Variants in SRRM2 observed in about 807,000 individuals in gnomAD.
SRRM2 encodes serine/arginine repetitive matrix protein 2.
SRRM2 carries 30 observed loss-of-function variants against 213.8 expected under a neutral mutation model. The ratio of observed to expected loss-of-function variants is 0.14; its 90% CI spans 0.10 to 0.19. The LOEUF (loss-of-function observed/expected upper bound fraction) is 0.19, where lower values mean the gene tolerates loss of function less well. SRRM2 is among the 10% of genes least tolerant of loss of function. The pLI is 1.00. For synonymous variants in SRRM2, 2,025 were observed against 1,377.7 expected, an observed-to-expected ratio of 1.47 and a Z score of -10.40; for missense variants, 4,904 against 3,647.0, an observed-to-expected ratio of 1.34 and a Z score of -8.88.
chr16:2,764,389 C>G lies in SRRM2; in HGVS notation c.3861C>G (p.Ser1287Arg). The G allele has an allele frequency of 6.2e-7, 1 of 1,613,816 alleles. No homozygotes were observed. Among genetic ancestry groups the G allele is most frequent in the Non-Finnish European group, 8.5e-7 (1 of 1,179,946 alleles). ...CTGTGTCTTTGACTCTTGATCAGAG[C>G]CAGTCACAGGCTTCTTTGGAAGCAG... is the stretch of plus-strand genomic sequence containing the variant. ...RPAVSLTLDQ[S>R]QSQASLEAVE... Residue 1287 changes from serine (S) to arginine (R), a missense_variant, in exon 11 of 15, where the codon AGC (serine) becomes AGG (arginine). By Grantham distance (110) the Ser-to-Arg change is moderately radical (BLOSUM62 -1). Transcript: ENST00000301740.
rs773500112 is a variant in SRRM2, at chr16:2,770,055, C to T, written c.8022-297C>T. On this transcript the variant is annotated intron_variant, in intron 12 of 14. Transcript: ENST00000301740. Reference sequence around the variant, plus strand: ...CCCCTCCCTTGGGTCCCCAGAGCCACGCACATCCAGCCCTGCTTCCCACAC... The same window carrying T: ...CCCCTCCCTTGGGTCCCCAGAGCCATGCACATCCAGCCCTGCTTCCCACAC... 28 of 1,097,658 alleles carry T rather than the reference C, an allele frequency of 2.6e-5. 1 individual carries two copies. Among genetic ancestry groups the T allele is most frequent in the South Asian group, 6.6e-5 (4 of 60,860 alleles). 68.0% of individuals were successfully genotyped at this position (1,097,658 alleles called of 1,614,324 possible). A position where few individuals can be genotyped will look rare whatever the true frequency, so the allele number is the denominator to read the frequency against.
intron 12 of SRRM2, chr16:2,769,916 C>T (rs2068682598): frequency 6.8e-6 from 3 of 444,072 alleles, no homozygotes; most frequent in Non-Finnish European, 1.4e-5. Flanking sequence ...ACATGCTGTT[C>T]CTTCTGCCTG....
intron 3 of SRRM2, 83 bp downstream of exon 3, chr16:2,757,662 C>T: frequency 1.9e-6 from 3 of 1,579,598 alleles, no homozygotes; most frequent in Non-Finnish European, 2.6e-6. Flanking sequence ...TTACGTGGGA[C>T]TTCCTCCCTG....
rs896956683 is a variant in SRRM2, at chr16:2,759,736, C to T, written c.833+75C>T. ...TAATTTAATATTTATTGAGCGCCCACGGTGTGCTAGGCGCTGCACAGACCA... is the reference window on the plus strand; with the variant it reads ...TAATTTAATATTTATTGAGCGCCCATGGTGTGCTAGGCGCTGCACAGACCA... On this transcript the variant is annotated intron_variant, in intron 9 of 14. Transcript: ENST00000301740. 2.1e-5 allele frequency: 30 copies of T among 1,404,092 alleles called. No homozygotes were observed. The Admixed American group carries it at 3.8e-4, about 18-fold the overall frequency. 87.0% of individuals were successfully genotyped at this position (1,404,092 alleles called of 1,614,324 possible).
At chr16:2,758,956 G>T (rs764072749) in intron 5 of SRRM2, 29 bp from the exon 6 acceptor site, 6 of 1,613,606 alleles carry the variant, frequency 3.7e-6, no homozygotes, top group Non-Finnish European at 5.1e-6. Context: ...AGCCAAGCAG[G>T]ATGAGCTTGC....
chr16:2,752,654 C>A lies in SRRM2; in HGVS notation c.-224C>A. 1 of 247,342 alleles carries A rather than the reference C, an allele frequency of 4.0e-6. No individual in the cohort carries two copies. The highest frequency in any genetic ancestry group is 8.2e-6 in the Non-Finnish European group (1 of 121,298). 15.3% of individuals were successfully genotyped at this position (247,342 alleles called of 1,614,324 possible). On this transcript the variant is annotated 5_prime_UTR_variant, in exon 1 of 15. Coordinates refer to ENST00000301740, the MANE Select transcript of SRRM2 (RefSeq NM_016333.4). Reference sequence around the variant, plus strand: ...CAGTTAGTCGTGCTGACGTGCAGCGCGGCCCAGGCGGGGTGCGAGTGGCGC... The same window carrying A: ...CAGTTAGTCGTGCTGACGTGCAGCGAGGCCCAGGCGGGGTGCGAGTGGCGC...
rs1372736447 is a variant in SRRM2, at chr16:2,771,248, TGGAA to T, written c.*388_*391del. The T allele has an allele frequency of 1.5e-5, 11 of 727,212 alleles. No individual in the cohort carries two copies. Among genetic ancestry groups the T allele is most frequent in the East Asian group, 5.4e-5 (2 of 37,154 alleles). 45.0% of individuals were successfully genotyped at this position (727,212 alleles called of 1,614,324 possible). ...GACTGGAGGTTGTATAAGGTGTTCTTGGAAGGAAGGGGCAGGAGTTGGAATTAGT... is the reference window on the plus strand; with the variant it reads ...GACTGGAGGTTGTATAAGGTGTTCTTGGAAGGGGCAGGAGTTGGAATTAGT... On this transcript the variant is annotated 3_prime_UTR_variant, in exon 15 of 15. Coordinates refer to ENST00000301740, the MANE Select transcript of SRRM2 (RefSeq NM_016333.4).
At position 2,767,615 on chromosome 16, in the gene SRRM2, C is replaced by A. The variant is rs1198651872; in HGVS notation, c.7087C>A (p.Pro2363Thr). The stretch of plus-strand genomic sequence containing the variant: ...CTCCAGAACCGCCGCAGCCTTGGCC[C>A]CCGCGAGCCTCACCAGTGCTAGGAT... ...AGSRTAAALAPASLTSARMAP... is the reference protein window; with the variant it reads ...AGSRTAAALATASLTSARMAP... The change falls in exon 11 of 15, where the codon CCC (proline) becomes ACC (threonine). Residue 2363 changes from proline to threonine, a missense_variant. By Grantham distance (38) the Pro-to-Thr change is conservative. Transcript: ENST00000301740. The A allele has an allele frequency of 6.2e-7, 1 of 1,614,200 alleles. No homozygotes were observed. The highest frequency in any genetic ancestry group is 8.5e-7 in the Non-Finnish European group (1 of 1,180,042).
Position 2,756,571 on chromosome 16 carries a change from A to G in SRRM2, c.207A>G (p.Arg69=). 1 of 1,613,938 alleles carries G rather than the reference A, an allele frequency of 6.2e-7. No homozygotes were observed. The highest frequency in any genetic ancestry group is 8.5e-7 in the Non-Finnish European group (1 of 1,179,910). Residue 69 remains arginine (R), a synonymous_variant, in exon 2 of 15, where the codon CGA becomes CGG. Transcript: ENST00000301740. ...AGCGCAAGCGGCGCGTCGAGCTGCGATGCCTCGAGCTGGAGGAGATGATGG... is the reference window on the plus strand; with the variant it reads ...AGCGCAAGCGGCGCGTCGAGCTGCGGTGCCTCGAGCTGGAGGAGATGATGG... ...DHERKRRVEL[R]CLELEEMMEE... is the part of the protein sequence containing the mutation.
chr16:2,753,963 T>C (rs1347972813), intron 1 of SRRM2, among the ~76,000 whole-genome samples: 1 of 152,202 alleles, frequency 6.6e-6, no homozygotes. Context: ...TTCAAATATA[T>C]CTTTCTACTT....
intron 10 of SRRM2, among the ~76,000 whole-genome samples, chr16:2,761,114 C>T (rs1388268164): frequency 2.0e-5 from 3 of 152,110 alleles, no homozygotes; most frequent in African/African-American, 4.8e-5. Context: ...TTCTCATTTC[C>T]TGTACTCTAC....
chr16:2,769,719 C>G (rs1303242311), intron 12 of SRRM2: 1 of 476,920 alleles, frequency 2.1e-6, no homozygotes, highest in Non-Finnish European at 4.1e-6. Flanking sequence ...CTTCCCTCCA[C>G]TCCACAAATC....
chr16:2,764,508 T>G lies in SRRM2; in HGVS notation c.3980T>G (p.Phe1327Cys). 6.2e-7 allele frequency: 1 copy of G among 1,614,196 alleles called. No homozygotes were observed. Among genetic ancestry groups the G allele is most frequent in the South Asian group, 1.1e-5 (1 of 91,078 alleles). ...LSNSPLRENSFGSPLEFRNSG... is the reference protein window; with the variant it reads ...LSNSPLRENSCGSPLEFRNSG... ...AACTCCCCACTCAGGGAGAACAGCT[T>G]TGGATCACCTTTAGAATTTAGAAAC... is the stretch of plus-strand genomic sequence containing the variant. The change falls in exon 11 of 15, where the codon TTT becomes TGT. Residue 1327 changes from phenylalanine to cysteine, a missense_variant. Physicochemically the swap from Phe to Cys is radical, Grantham distance 205 (BLOSUM62 -2). Transcript: ENST00000301740.
In SRRM2 at chr16:2,760,270, C is replaced by T. The variant is rs546685984; in HGVS notation, c.834-31C>T. The T allele has an allele frequency of 3.7e-6, 6 of 1,601,364 alleles. No individual in the cohort carries two copies. In the Admixed American group the frequency reaches 5.1e-5, roughly 14 times the overall value. ...GTTCTCCCTTTGAGCTGATTTCCTT[C>T]CTCTCCCACGTCCTCAATTAACTCC... is the stretch of plus-strand genomic sequence containing the variant. On this transcript the variant is annotated intron_variant, in intron 9 of 14. Coordinates refer to ENST00000301740, the MANE Select transcript of SRRM2 (RefSeq NM_016333.4).
intron 11 of SRRM2, 132 bp downstream of exon 11, chr16:2,768,393 G>A (rs969159491): frequency 5.9e-6 from 6 of 1,023,990 alleles, no homozygotes; most frequent in Admixed American, 2.7e-5. Context: ...CCCTCAAGCT[G>A]GGGGTAGAAG....
Position 2,756,388 on chromosome 16 carries a change from G to A in SRRM2, c.24G>A (p.Pro8=), listed in dbSNP as rs373086804. MYNGIGL[P]TPRGSGTNGY... is the part of the protein sequence containing the mutation. ...CCATGTACAACGGGATCGGGCTGCC[G>A]ACGCCCCGGGGCAGCGGCACCAACG... Residue 8 remains proline, a synonymous_variant, in exon 2 of 15, where the codon CCG becomes CCA. Transcript: ENST00000301740. 1.1e-5 allele frequency: 17 copies of A among 1,607,476 alleles called. No homozygotes were observed. The highest frequency in any genetic ancestry group is 1.7e-5 in the Admixed American group (1 of 59,590).
intron 3 of SRRM2, 47 bp downstream of exon 3, chr16:2,757,626 G>A (rs754316844): frequency 4.4e-6 from 7 of 1,585,828 alleles, no homozygotes; most frequent in African/African-American, 1.4e-5. Flanking sequence ...TACTCTGGCT[G>A]CTGGCTGCTG....
chr16:2,765,683 A>G lies in SRRM2; in HGVS notation c.5155A>G (p.Arg1719Gly), dbSNP rs1360022692. Residue 1719 changes from arginine to glycine, a missense_variant, in exon 11 of 15, where the codon AGA becomes GGA. Arg to Gly is a moderately radical substitution (Grantham distance 125, BLOSUM62 -2). Transcript: ENST00000301740. ...CTCATCCTCACCAGAAACTCGCTCT[A>G]GAACTCCCCCAAGGCACCGGAGAAG... ...SASSSPETRSRTPPRHRRSPS... is the reference protein window; with the variant it reads ...SASSSPETRSGTPPRHRRSPS... The G allele has an allele frequency of 3.1e-6, 5 of 1,614,152 alleles. No individual in the cohort carries two copies. The South Asian group carries it at 3.3e-5, about 11-fold the overall frequency.
Position 2,767,641 on chromosome 16 carries a change from G to C in SRRM2, c.7113G>C (p.Met2371Ile). 1 of 1,614,160 alleles carries C rather than the reference G, an allele frequency of 6.2e-7. No individual in the cohort carries two copies. Among genetic ancestry groups the C allele is most frequent in the Non-Finnish European group, 8.5e-7 (1 of 1,180,036 alleles). Residue 2371 changes from methionine (M) to isoleucine (I), a missense_variant, in exon 11 of 15, where the codon ATG (methionine) becomes ATC (isoleucine). Coordinates refer to ENST00000301740, the MANE Select transcript of SRRM2 (RefSeq NM_016333.4). ...CCGCGAGCCTCACCAGTGCTAGGAT[G>C]GCTCCAGCATTGTCTGGTGCAAACC... ...LAPASLTSAR[M>I]APALSGANLT...
Sources: gnomAD v4.1 joint callset for allele counts (sites outside exome capture counted in the v4.1 genomes callset) on GRCh38, gnomAD v4.1.1 for gene constraint, MANE v1.5 for transcripts, NCBI Gene and HGNC (gene_info 2026-07-23, HGNC 2026-07-21) for gene names.